TF: variants seen among roughly 807,000 people sequenced by gnomAD.
TF encodes transferrin.
Under a neutral mutation model 82.4 loss-of-function variants are expected in TF, and 55 were observed. The ratio of observed to expected loss-of-function variants is 0.67; its 90% CI spans 0.54 to 0.84. TF has a LOEUF of 0.84. TF is among the 40% of genes least tolerant of loss of function. TF has a pLI of 0.00. For synonymous variants in TF, 332 were observed against 332.6 expected (o/e 1.00, Z 0.02); for missense variants, 737 against 868.4 (o/e 0.85, Z 1.90).
At chr3:133,700,174 A>G in the TF span, 40,522 of 151,770 alleles carry the variant, frequency 0.27, 5,770 homozygotes, top group African/African-American at 0.33. Context: ...GATTTGCAGG[A>G]TGTATCTGGG....
chr3:133,668,803 A>T, the TF span, among the ~76,000 whole-genome samples: 2 of 152,102 alleles, frequency 1.3e-5, no homozygotes, highest in African/African-American at 2.4e-5. Context: ...TTTATGACCT[A>T]TAGGGAAAAA....
chr3:133,699,485 G>A, the TF span: 1 of 1,223,536 alleles, frequency 8.2e-7, no homozygotes. Context: ...AGTATGAGCT[G>A]CTTTGCCTGA....
the TF span, among the ~76,000 whole-genome samples, chr3:133,717,292 C>A: frequency 0.32 from 49,218 of 151,954 alleles, 8,196 homozygotes; most frequent in East Asian, 0.41. Flanking sequence ...GATACCTGAG[C>A]CTAGGAGGCC....
chr3:133,770,051 G>A (rs968199705), intron 13 of TF, among the ~76,000 whole-genome samples: 7 of 152,054 alleles, frequency 4.6e-5, no homozygotes, highest in African/African-American at 1.7e-4. Flanking sequence ...CATAGCAAAT[G>A]CTCCATAAAT....
At chr3:133,770,054 C>T (rs192430861) in intron 13 of TF, among the ~76,000 whole-genome samples, 2 of 152,210 alleles carry the variant, frequency 1.3e-5, no homozygotes, top group African/African-American at 4.8e-5. Flanking sequence ...AGCAAATGCT[C>T]CATAAATGTT....
the TF span, among the ~76,000 whole-genome samples, chr3:133,739,822 G>A: frequency 4.1e-4 from 63 of 152,320 alleles, no homozygotes; most frequent in Middle Eastern, 3.4e-3. Flanking sequence ...TCATTAAAAA[G>A]TCAGGAAACA....
At chr3:133,680,619 A>G in the TF span, among the ~76,000 whole-genome samples, 1 of 152,026 alleles carries the variant, frequency 6.6e-6, no homozygotes, top group African/African-American at 2.4e-5. Context: ...ACACAAAGGC[A>G]CATGGCCTGC....
chr3:133,738,600 GC>G, the TF span, among the ~76,000 whole-genome samples: 1 of 152,140 alleles, frequency 6.6e-6, no homozygotes, highest in Non-Finnish European at 1.5e-5. Context: ...AAGCTGATAA[GC>G]AACTTCAGCA....
chr3:133,728,372 T>A, the TF span, among the ~76,000 whole-genome samples: 1 of 152,190 alleles, frequency 6.6e-6, no homozygotes, highest in Non-Finnish European at 1.5e-5. Context: ...CTTTTTTCTC[T>A]ACACTTCCCT....
At chr3:133,756,689 C>T in intron 6 of TF, 142 bp from the exon 7 acceptor site, 1 of 1,045,442 alleles carries the variant, frequency 9.6e-7, no homozygotes, top group Non-Finnish European at 1.4e-6. Flanking sequence ...TTGAGCGAGT[C>T]ATTCTCCCGC....
chr3:133,729,988 G>A, the TF span, among the ~76,000 whole-genome samples: 1 of 151,740 alleles, frequency 6.6e-6, no homozygotes, highest in Non-Finnish European at 1.5e-5. Flanking sequence ...TTTCTTTGTG[G>A]CCTCTTACTG....
chr3:133,687,969 A>C, the TF span, among the ~76,000 whole-genome samples: 1 of 151,784 alleles, frequency 6.6e-6, no homozygotes, highest in Non-Finnish European at 1.5e-5. Context: ...GCTGTACTAT[A>C]TGCTAATTCT....
intron 9 of TF, chr3:133,761,912 T>A: frequency 6.1e-6 from 1 of 162,938 alleles, no homozygotes; most frequent in East Asian, 1.7e-4. Flanking sequence ...GCTGTGAAAT[T>A]AAATTAAAGA....
Position 133,764,141 on chromosome 3 carries a change from C to A in TF, c.1204-41C>A, listed in dbSNP as rs761602835. The A allele has an allele frequency of 1.1e-5, 17 of 1,576,962 alleles. No homozygotes were observed. In the South Asian group the frequency reaches 1.8e-4, roughly 16 times the overall value. On this transcript the variant is annotated intron_variant, in intron 9 of 16. Coordinates refer to ENST00000402696, the MANE Select transcript of TF (RefSeq NM_001063.4). ...CTGGAAAAGTGGGTGGCACAGGAAA[C>A]AGCCTCTTTTCATCTGCTGTGATTT...
intron 15 of TF, among the ~76,000 whole-genome samples, 200 bp downstream of exon 15, chr3:133,775,817 C>T (rs1934376399): frequency 6.6e-6 from 1 of 152,170 alleles, no homozygotes; most frequent in African/African-American, 2.4e-5. Context: ...CCTAGTTGTG[C>T]CATCTTGGGT....
the TF span, among the ~76,000 whole-genome samples, chr3:133,698,718 G>A: frequency 6.6e-6 from 1 of 152,146 alleles, no homozygotes; most frequent in Admixed American, 6.5e-5. Flanking sequence ...ACATTTTCAA[G>A]GTCCCTATTT....
chr3:133,755,965 C>A (rs8177227), intron 5 of TF, among the ~76,000 whole-genome samples: 170 of 152,304 alleles, frequency 1.1e-3, no homozygotes, highest in African/African-American at 3.7e-3. Context: ...GTTTTACAAC[C>A]AGCCAAAGGC....
At chr3:133,750,794 T>G (rs1351089203) in intron 2 of TF, among the ~76,000 whole-genome samples, 1 of 151,946 alleles carries the variant, frequency 6.6e-6, no homozygotes, top group Non-Finnish European at 1.5e-5. Context: ...ATATATATTT[T>G]ATTATACTTT....
the TF span, among the ~76,000 whole-genome samples, chr3:133,689,933 TG>T: frequency 0.019 from 2,950 of 152,250 alleles, 36 homozygotes; most frequent in African/African-American, 0.035. Flanking sequence ...TTTTGATACA[TG>T]TATACTAGAT....
Sources: allele counts gnomAD v4.1 joint callset (sites outside exome capture counted in the v4.1 genomes callset), GRCh38; gene constraint gnomAD v4.1.1; transcripts MANE v1.5; gene names NCBI Gene and HGNC (gene_info 2026-07-23, HGNC 2026-07-21).